OXR1: variants seen among roughly 807,000 people sequenced by gnomAD.
OXR1 encodes the protein oxidation resistance 1, also known as oxidation resistance protein 1.
OXR1 carries 41 observed loss-of-function variants against 104.6 expected under a neutral mutation model. The observed-to-expected ratio is 0.39, with a 90% CI of 0.31 to 0.51. The LOEUF is 0.51. OXR1 is among the 20% of genes least tolerant of loss of function. The probability of loss-of-function intolerance (pLI) is 0.77; values close to 1 mark genes in which losing one functional copy is unlikely to be tolerated. For synonymous variants in OXR1, 348 were observed against 348.4 expected (o/e 1.00, Z 0.01); for missense variants, 955 against 1,031.9 (o/e 0.93, Z 1.02).
chr8:106,365,572 T>C (rs1816437279), intron 2 of OXR1, among the ~76,000 whole-genome samples: 1 of 152,218 alleles, frequency 6.6e-6, no homozygotes, highest in Non-Finnish European at 1.5e-5. Flanking sequence ...AAAATGCCAA[T>C]GTCTTTCTAT....
intron 3 of OXR1, among the ~76,000 whole-genome samples, chr8:106,531,063 G>A (rs1431755135): frequency 1.3e-5 from 2 of 152,148 alleles, no homozygotes; most frequent in Non-Finnish European, 2.9e-5. Flanking sequence ...AAAAAGTTTA[G>A]TTAATTTAGA....
chr8:106,603,491 T>C (rs776794287), intron 3 of OXR1, among the ~76,000 whole-genome samples: 5 of 152,178 alleles, frequency 3.3e-5, no homozygotes, highest in Non-Finnish European at 7.4e-5. Flanking sequence ...AACTGTCAAG[T>C]AAAACCTCCA....
intron 3 of OXR1, among the ~76,000 whole-genome samples, chr8:106,620,219 T>G (rs1477132026): frequency 6.6e-6 from 1 of 152,230 alleles, no homozygotes; most frequent in Non-Finnish European, 1.5e-5. Context: ...TAGTACTATA[T>G]TTCTTTGATT....
intron 2 of OXR1, among the ~76,000 whole-genome samples, chr8:106,503,852 C>T (rs62516887): frequency 1.1e-3 from 171 of 152,154 alleles, no homozygotes; most frequent in Admixed American, 2.7e-3. Context: ...GGAGGTAATG[C>T]GAGCAGAAAG....
intron 3 of OXR1, chr8:106,604,718 A>G (rs951037345): frequency 6.6e-6 from 1 of 152,244 alleles, no homozygotes; most frequent in African/African-American, 2.4e-5. Flanking sequence ...GCTGTTTGCA[A>G]TAACATGGAA....
chr8:106,698,099 G>A (rs1830242124), intron 7 of OXR1: 1 of 836,436 alleles, frequency 1.2e-6, no homozygotes, highest in Non-Finnish European at 2.0e-6. Flanking sequence ...CAGCTGCCGA[G>A]CTTCTTCTTA....
At chr8:106,536,064 C>T (rs552448489) in intron 3 of OXR1, among the ~76,000 whole-genome samples, 1 of 151,820 alleles carries the variant, frequency 6.6e-6, no homozygotes, top group East Asian at 1.9e-4. Flanking sequence ...ACTAAAAATA[C>T]AAAAAATTAG....
chr8:106,562,628 A>G (rs1245618925), intron 3 of OXR1, among the ~76,000 whole-genome samples: 1 of 152,144 alleles, frequency 6.6e-6, no homozygotes, highest in Non-Finnish European at 1.5e-5. Context: ...GAACACCACA[A>G]AGACACTCTT....
At chr8:106,567,782 C>T (rs1817188725) in intron 3 of OXR1, among the ~76,000 whole-genome samples, 1 of 152,136 alleles carries the variant, frequency 6.6e-6, no homozygotes, top group Admixed American at 6.6e-5. Flanking sequence ...TGCAGCTCTC[C>T]ATTCCAGTTT....
chr8:106,421,895 A>G (rs140928642), intron 2 of OXR1, among the ~76,000 whole-genome samples: 4 of 130,030 alleles, frequency 3.1e-5, no homozygotes, highest in South Asian at 2.7e-4. Flanking sequence ...CTATATAGCT[A>G]TAAGAGTGGC....
At chr8:106,463,997 G>A (rs1284509910) in intron 2 of OXR1, among the ~76,000 whole-genome samples, 1 of 152,146 alleles carries the variant, frequency 6.6e-6, no homozygotes, top group East Asian at 1.9e-4. Flanking sequence ...ATTGCAGAAT[G>A]TAGTTATAGG....
intron 3 of OXR1, among the ~76,000 whole-genome samples, chr8:106,634,066 C>T (rs943837920): frequency 6.6e-6 from 1 of 152,276 alleles, no homozygotes; most frequent in East Asian, 1.9e-4. Flanking sequence ...TTACATAGTA[C>T]CATTTTGTTA....
At chr8:106,306,644 T>G (rs1020286762) in intron 1 of OXR1, among the ~76,000 whole-genome samples, 1 of 152,198 alleles carries the variant, frequency 6.6e-6, no homozygotes, top group South Asian at 2.1e-4. Flanking sequence ...TCCATGACTT[T>G]ACTTTGAGTG....
At chr8:106,400,851 C>T (rs1379625291) in intron 2 of OXR1, among the ~76,000 whole-genome samples, 1 of 152,008 alleles carries the variant, frequency 6.6e-6, no homozygotes, top group Non-Finnish European at 1.5e-5. Context: ...ATAGATACAA[C>T]TAGGTATGTG....
chr8:106,339,517 AAAATATATATATAT>A lies in OXR1; in HGVS notation c.-138-19957_-138-19944del, dbSNP rs1426648904. Among the ~76,000 whole-genome samples, 52 of 29,302 alleles carry A rather than the reference AAAATATATATATAT, an allele frequency of 1.8e-3. 1 individual carries two copies. Among genetic ancestry groups the A allele is most frequent in the African/African-American group, 0.011 (51 of 4,464 alleles). The allele number at this position is 29,302 out of a possible 152,430, so 19.2% of individuals were successfully genotyped here. A position where few individuals can be genotyped will look rare whatever the true frequency, so the allele number is the denominator to read the frequency against. ...CAAAAAAAAAAAAAAAAAAAAAAAA[AAAATATATATATAT>A]ATATATATATATATATATATATATA... On this transcript the variant is annotated intron_variant, in intron 1 of 16. Coordinates refer to ENST00000517566, the MANE Select transcript of OXR1 (RefSeq NM_001198533.2).
intron 2 of OXR1, among the ~76,000 whole-genome samples, chr8:106,496,710 T>C (rs1274662096): frequency 6.6e-6 from 1 of 152,228 alleles, no homozygotes; most frequent in African/African-American, 2.4e-5. Context: ...GAGCTAATGA[T>C]GACTAACACA....
At chr8:106,308,471 T>A (rs1204825177) in intron 1 of OXR1, among the ~76,000 whole-genome samples, 1 of 152,188 alleles carries the variant, frequency 6.6e-6, no homozygotes, top group Non-Finnish European at 1.5e-5. Context: ...CCTGGTCAAA[T>A]TGACACATAA....
intron 3 of OXR1, among the ~76,000 whole-genome samples, chr8:106,640,408 T>A (rs1340519418): frequency 6.6e-6 from 1 of 151,412 alleles, no homozygotes; most frequent in African/African-American, 2.4e-5. Flanking sequence ...ATGAACTATA[T>A]TTTATATTTT....
chr8:106,334,121 A>G (rs188148731), intron 1 of OXR1, among the ~76,000 whole-genome samples: 52 of 152,322 alleles, frequency 3.4e-4, no homozygotes, highest in Admixed American at 1.2e-3. Context: ...GTACTTGCTT[A>G]GGTCTTAATT....
Sources: gnomAD v4.1 joint callset for allele counts (sites outside exome capture counted in the v4.1 genomes callset) on GRCh38, gnomAD v4.1.1 for gene constraint, MANE v1.5 for transcripts, NCBI Gene and HGNC (gene_info 2026-07-23, HGNC 2026-07-21) for gene names.